Variants in KCND2 observed in about 807,000 individuals in gnomAD.
KCND2 encodes the protein A-type voltage-gated potassium channel KCND2.
A neutral mutation model predicts 54.4 loss-of-function variants in KCND2; 16 were observed. The observed-to-expected ratio is 0.29, with a 90% CI of 0.20 to 0.45. KCND2 has a LOEUF of 0.45. Among genes scored for constraint, KCND2 ranks in the 20% least tolerant of loss-of-function variants. The pLI, the probability that KCND2 is intolerant of heterozygous loss-of-function variation, is 1.00. For synonymous variants in KCND2, 317 were observed against 310.7 expected, an observed-to-expected ratio of 1.02 and a Z score of -0.21; for missense variants, 486 against 824.2, an observed-to-expected ratio of 0.59 and a Z score of 5.02.
At chr7:120,707,420 A>G (rs1792483556) in intron 1 of KCND2, among the ~76,000 whole-genome samples, 1 of 152,128 alleles carries the variant, frequency 6.6e-6, no homozygotes, top group Non-Finnish European at 1.5e-5. Context: ...AATGTCGCCC[A>G]CAAAACTCAA....
chr7:120,629,916 T>C (rs1394312899), intron 1 of KCND2, among the ~76,000 whole-genome samples: 1 of 152,140 alleles, frequency 6.6e-6, no homozygotes, highest in Non-Finnish European at 1.5e-5. Flanking sequence ...TGAGGTGTGG[T>C]TTTAGCATCT....
intron 1 of KCND2, among the ~76,000 whole-genome samples, chr7:120,493,663 C>G (rs561341228): frequency 4.6e-5 from 7 of 152,150 alleles, no homozygotes; most frequent in Non-Finnish European, 7.4e-5. Context: ...AAGATCATAA[C>G]AGGATTCCAT....
At chr7:120,515,719 G>C (rs1562861040) in intron 1 of KCND2, among the ~76,000 whole-genome samples, 2 of 152,240 alleles carry the variant, frequency 1.3e-5, no homozygotes, top group Non-Finnish European at 2.9e-5. Context: ...AGAGAAAAAT[G>C]AACTATGGAG....
At chr7:120,681,636 T>G (rs1220965671) in intron 1 of KCND2, among the ~76,000 whole-genome samples, 1 of 152,056 alleles carries the variant, frequency 6.6e-6, no homozygotes, top group African/African-American at 2.4e-5. Context: ...TCTACTAAAT[T>G]TTTATGTATG....
chr7:120,333,852 G>A (rs962287534), intron 1 of KCND2, among the ~76,000 whole-genome samples: 4 of 152,002 alleles, frequency 2.6e-5, no homozygotes, highest in African/African-American at 9.7e-5. Flanking sequence ...TAATCTTTCA[G>A]GGCTGGTTTC....
intron 1 of KCND2, among the ~76,000 whole-genome samples, chr7:120,570,178 C>A (rs1792345212): frequency 6.6e-6 from 1 of 151,896 alleles, no homozygotes; most frequent in Admixed American, 6.6e-5. Context: ...ACAGTTGAGC[C>A]CTAGGGATAT....
chr7:120,287,400 G>C (rs920755635), intron 1 of KCND2, among the ~76,000 whole-genome samples: 5 of 152,092 alleles, frequency 3.3e-5, no homozygotes, highest in African/African-American at 7.2e-5. Context: ...TATTCTGGGA[G>C]TTCACCTAAA....
At chr7:120,714,848 T>C (rs1792583076) in intron 1 of KCND2, among the ~76,000 whole-genome samples, 1 of 140,302 alleles carries the variant, frequency 7.1e-6, no homozygotes, top group Admixed American at 7.2e-5. Flanking sequence ...GAAATTTAGT[T>C]GTATCGGGTA....
intron 1 of KCND2, among the ~76,000 whole-genome samples, chr7:120,644,557 G>C (rs1793415038): frequency 6.6e-6 from 1 of 152,120 alleles, no homozygotes; most frequent in African/African-American, 2.4e-5. Context: ...TATTAGCAAA[G>C]ATTTTGTTTC....
At position 120,733,215 on chromosome 7, in the gene KCND2, G is replaced by GT; in HGVS notation, c.1278+151dup. The GT allele has an allele frequency of 4.1e-6, 3 of 733,870 alleles. No individual in the cohort carries two copies. In the South Asian group the frequency reaches 4.9e-5, roughly 12 times the overall value. 45.5% of individuals were successfully genotyped at this position (733,870 alleles called of 1,614,324 possible). On this transcript the variant is annotated intron_variant, in intron 2 of 5. Coordinates refer to ENST00000331113, the MANE Select transcript of KCND2 (RefSeq NM_012281.3). ...AGGTTATTCTACACTAAAAAGAAAC[G>GT]TAACATCTCAGTGGCTTAAAACAAT...
chr7:120,747,697 G>A lies in KCND2; in HGVS notation c.1732G>A (p.Ala578Thr), dbSNP rs1199240945. ...TTCTATCAGCCGATCCAGTTTAAAT[G>A]CCAAAATGGAAGAGTGTGTTAAACT... Reference protein sequence around the residue: ...PLSNSRSSLNAKMEECVKLNC... With the variant: ...PLSNSRSSLNTKMEECVKLNC... Residue 578 changes from alanine (A) to threonine (T), a missense_variant, in exon 6 of 6, where the codon GCC becomes ACC. This residue lies in a region of KCND2 where 202 missense variants were observed against 252.7 expected (regional missense o/e 0.80). Transcript: ENST00000331113. 2.5e-6 allele frequency: 4 copies of A among 1,611,962 alleles called. No individual in the cohort carries two copies. The highest frequency in any genetic ancestry group is 1.1e-5 in the South Asian group (1 of 91,030).
intron 1 of KCND2, among the ~76,000 whole-genome samples, chr7:120,611,519 G>C (rs1301743428): frequency 6.6e-6 from 1 of 152,132 alleles, no homozygotes; most frequent in East Asian, 1.9e-4. Context: ...GCTTAGAGTA[G>C]GGGTGAAGGG....
At chr7:120,283,611 A>G (rs1479835122) in intron 1 of KCND2, among the ~76,000 whole-genome samples, 1 of 152,178 alleles carries the variant, frequency 6.6e-6, no homozygotes, top group Non-Finnish European at 1.5e-5. Flanking sequence ...ACTGAATTCC[A>G]TATTTTAGCT....
chr7:120,475,266 A>G (rs7809573), intron 1 of KCND2, among the ~76,000 whole-genome samples: 41,188 of 152,080 alleles, frequency 0.27, 7,372 homozygotes, highest in East Asian at 0.49. Context: ...AAGCACATAC[A>G]GATACATTCT....
intron 1 of KCND2, among the ~76,000 whole-genome samples, chr7:120,642,066 G>T (rs749752312): frequency 1.3e-5 from 2 of 151,886 alleles, no homozygotes; most frequent in Non-Finnish European, 2.9e-5. Context: ...GATGTTTGTT[G>T]TTGAAAGCCT....
chr7:120,524,847 A>C (rs112050049), intron 1 of KCND2, among the ~76,000 whole-genome samples: 150 of 152,288 alleles, frequency 9.8e-4, no homozygotes, highest in Non-Finnish European at 1.9e-3. Flanking sequence ...AAGGAAAATT[A>C]ATAAAATCTG....
chr7:120,427,263 A>T (rs1801721338), intron 1 of KCND2, among the ~76,000 whole-genome samples: 1 of 152,146 alleles, frequency 6.6e-6, no homozygotes, highest in Non-Finnish European at 1.5e-5. Context: ...AGGATATAGC[A>T]CGTAGTTTAT....
At chr7:120,328,321 G>GAATTA (rs1800010978) in intron 1 of KCND2, among the ~76,000 whole-genome samples, 1 of 152,210 alleles carries the variant, frequency 6.6e-6, no homozygotes, top group South Asian at 2.1e-4. Context: ...TAGGCTCTGT[G>GAATTA]AATTATCTCA....
chr7:120,303,680 A>G (rs983149939), intron 1 of KCND2, among the ~76,000 whole-genome samples: 2 of 152,188 alleles, frequency 1.3e-5, no homozygotes, highest in African/African-American at 4.8e-5. Context: ...GCAGCAGAAG[A>G]CAAATTAAAT....
Sources: allele counts gnomAD v4.1 joint callset (sites outside exome capture counted in the v4.1 genomes callset), GRCh38; gene constraint gnomAD v4.1.1; regional missense constraint gnomAD v4.1.1; transcripts MANE v1.5; gene names NCBI Gene and HGNC (gene_info 2026-07-23, HGNC 2026-07-21).